PUS7: variants seen among roughly 807,000 people sequenced by gnomAD.
The protein encoded by PUS7 is pseudouridylate synthase 7 homolog.
A neutral mutation model predicts 79.8 loss-of-function variants in PUS7; 48 were observed. The ratio of observed to expected loss-of-function variants is 0.60; its 90% CI spans 0.48 to 0.76. The LOEUF (loss-of-function observed/expected upper bound fraction) is 0.76. PUS7 is among the 30% of genes least tolerant of loss of function. The probability of loss-of-function intolerance (pLI) is 0.00; values close to 1 mark genes in which losing one functional copy is unlikely to be tolerated. For synonymous variants in PUS7, 286 were observed against 272.2 expected (o/e 1.05, Z -0.50); for missense variants, 729 against 797.6 (o/e 0.91, Z 1.04).
At chr7:105,471,884 C>T (rs1424450888) in intron 10 of PUS7, among the ~76,000 whole-genome samples, 1 of 148,534 alleles carries the variant, frequency 6.7e-6, no homozygotes, top group South Asian at 2.1e-4. Flanking sequence ...TGCACTCCAG[C>T]CTGGGAAACA....
At chr7:105,502,676 A>G in intron 4 of PUS7, 112 bp from the exon 5 acceptor site, 1 of 1,177,486 alleles carries the variant, frequency 8.5e-7, no homozygotes, top group African/African-American at 1.6e-5. Flanking sequence ...CAAAATAACA[A>G]AAGTGCCTGC....
At chr7:105,508,871 TAAAAAA>T (rs34249093) in intron 1 of PUS7, among the ~76,000 whole-genome samples, 3 of 22,926 alleles carry the variant, frequency 1.3e-4, no homozygotes, top group South Asian at 4.8e-3. Context: ...GACATTGTCT[TAAAAAA>T]AAAAAAAAAA....
At chr7:105,484,554 C>A (rs897517003) in intron 7 of PUS7, among the ~76,000 whole-genome samples, 2 of 150,404 alleles carry the variant, frequency 1.3e-5, no homozygotes, top group African/African-American at 4.9e-5. Context: ...CGCGGTGCTT[C>A]ATGCCTGTAA....
chr7:105,508,918 C>A (rs1385619417), intron 1 of PUS7, among the ~76,000 whole-genome samples: 1 of 138,652 alleles, frequency 7.2e-6, no homozygotes, highest in Non-Finnish European at 1.5e-5. Context: ...CGGTGGCTCA[C>A]ACCTGTAATC....
intron 9 of PUS7, among the ~76,000 whole-genome samples, chr7:105,476,577 C>T (rs1014779878): frequency 2.6e-5 from 4 of 151,922 alleles, no homozygotes; most frequent in African/African-American, 9.7e-5. Flanking sequence ...AGGCTGGTCT[C>T]GATCTCTTGA....
Position 105,490,449 on chromosome 7 carries a change from G to A in PUS7, c.920+1091C>T, listed in dbSNP as rs778555588. On this transcript the variant is annotated intron_variant, in intron 7 of 15. Transcript: ENST00000469408. ...CTTTTACCTTCACTGTGACTAACTG[G>A]GTTCAGACCCTTATTCTCCCTCCCC... 2.0e-4 allele frequency among the ~76,000 whole-genome samples: 31 copies of A among 152,014 alleles called. No homozygotes were observed. In the South Asian group the frequency reaches 5.8e-3, roughly 29 times the overall value.
intron 10 of PUS7, 135 bp downstream of exon 10, chr7:105,471,995 CTT>C (rs1384839346): frequency 1.2e-5 from 6 of 521,006 alleles, no homozygotes; most frequent in South Asian, 4.7e-5. Flanking sequence ...TATAAATAAA[CTT>C]ATACTTTTAT....
intron 13 of PUS7, among the ~76,000 whole-genome samples, chr7:105,463,512 T>C (rs1823517697): frequency 6.6e-6 from 1 of 152,208 alleles, no homozygotes; most frequent in Non-Finnish European, 1.5e-5. Context: ...CAGGCTCACA[T>C]ACAACAATAA....
intron 1 of PUS7, among the ~76,000 whole-genome samples, chr7:105,509,483 T>C (rs1041133513): frequency 6.6e-6 from 1 of 152,126 alleles, no homozygotes; most frequent in African/African-American, 2.4e-5. Context: ...TTTTTTCTTT[T>C]TTTCAGTGAC....
intron 7 of PUS7, among the ~76,000 whole-genome samples, chr7:105,488,212 T>A (rs574193270): frequency 4.6e-5 from 7 of 152,318 alleles, no homozygotes; most frequent in Non-Finnish European, 8.8e-5. Flanking sequence ...ATATTCTTGG[T>A]CTTCAACTAT....
rs1825290235 is a variant in PUS7 at position 105,502,414 on chromosome 7, A to T, written c.730+6T>A. 9.3e-6 allele frequency: 15 copies of T among 1,614,000 alleles called. No homozygotes were observed. Among genetic ancestry groups the T allele is most frequent in the Non-Finnish European group, 1.3e-5 (15 of 1,179,944 alleles). On this transcript the variant is annotated splice_donor_region_variant and intron_variant, in intron 5 of 15. Coordinates refer to ENST00000469408, the MANE Select transcript of PUS7 (RefSeq NM_019042.5). Reference sequence around the variant, plus strand: ...TGGCAGGAGGAAGCTGCTCACAGACACCTACTTGCCAAAGCCTTTTTCCCA... The same window carrying T: ...TGGCAGGAGGAAGCTGCTCACAGACTCCTACTTGCCAAAGCCTTTTTCCCA...
rs183340519 is a variant in PUS7 at position 105,502,696 on chromosome 7, C to A, written c.586-132G>T. On this transcript the variant is annotated intron_variant, in intron 4 of 15. Transcript: ENST00000469408. ...TAACAAAAGTGCCTGCATACGATTT[C>A]AAAAATCTTTTATTTTTATTTTTTT... The A allele has an allele frequency of 2.3e-4, 235 of 1,020,372 alleles. No homozygotes were observed. The Middle Eastern group carries it at 3.4e-3, about 15-fold the overall frequency. The allele number at this position is 1,020,372 out of a possible 1,614,324, so 63.2% of individuals were successfully genotyped here. A position where few individuals can be genotyped will look rare whatever the true frequency, so the allele number is the denominator to read the frequency against.
intron 7 of PUS7, among the ~76,000 whole-genome samples, chr7:105,488,653 C>T (rs549038546): frequency 6.6e-6 from 1 of 152,250 alleles, no homozygotes; most frequent in South Asian, 2.1e-4. Context: ...AGGATATATC[C>T]ATACATTCAA....
rs141309830 is a variant in PUS7 at position 105,469,190 on chromosome 7, C to G, written c.1399-727G>C. 5.3e-3 allele frequency among the ~76,000 whole-genome samples: 802 copies of G among 152,300 alleles called. 9 individuals are homozygous for G. Among genetic ancestry groups the G allele is most frequent in the African/African-American group, 0.018 (764 of 41,568 alleles). On this transcript the variant is annotated intron_variant, in intron 11 of 15. Transcript: ENST00000469408. The stretch of plus-strand genomic sequence containing the variant: ...AAAGTGCTGGGATTACAGGCCTGAG[C>G]CACTGCACCCAGCCAAAACTTCTAC...
intron 7 of PUS7, among the ~76,000 whole-genome samples, chr7:105,484,304 C>T (rs1015041244): frequency 6.6e-6 from 1 of 151,992 alleles, no homozygotes; most frequent in African/African-American, 2.4e-5. Context: ...TATTTGTTGG[C>T]ATTCTTCTGT....
intron 9 of PUS7, among the ~76,000 whole-genome samples, chr7:105,474,701 A>T (rs1824016513): frequency 6.6e-6 from 1 of 152,054 alleles, no homozygotes; most frequent in Non-Finnish European, 1.5e-5. Flanking sequence ...GAACTGCTTG[A>T]ACCCAGGAGG....
intron 6 of PUS7, among the ~76,000 whole-genome samples, chr7:105,493,031 A>T (rs945428500): frequency 1.3e-5 from 2 of 152,250 alleles, no homozygotes; most frequent in African/African-American, 4.8e-5. Context: ...GCAACAAAAA[A>T]GGCAACAATG....
chr7:105,476,352 C>T (rs1021955535), intron 9 of PUS7, among the ~76,000 whole-genome samples: 3 of 151,804 alleles, frequency 2.0e-5, no homozygotes, highest in African/African-American at 7.3e-5. Flanking sequence ...TGGTTCATAA[C>T]ATAATTTATA....
chr7:105,499,114 A>G (rs1472418120), intron 5 of PUS7, among the ~76,000 whole-genome samples: 1 of 152,134 alleles, frequency 6.6e-6, no homozygotes, highest in Non-Finnish European at 1.5e-5. Flanking sequence ...TCATCATTCC[A>G]CTAGAATGCT....
Sources: gnomAD v4.1 joint callset for allele counts (sites outside exome capture counted in the v4.1 genomes callset) on GRCh38, gnomAD v4.1.1 for gene constraint, MANE v1.5 for transcripts, NCBI Gene and HGNC (gene_info 2026-07-23, HGNC 2026-07-21) for gene names.